CLUH: variants seen among roughly 807,000 people sequenced by gnomAD.
CLUH encodes the protein CLUH binding protein of NUMT mRNA.
Under a neutral mutation model 139.3 loss-of-function variants are expected in CLUH, and 77 were observed. The ratio of observed to expected loss-of-function variants is 0.55; its 90% CI spans 0.46 to 0.67. The LOEUF is 0.67. Among genes scored for constraint, CLUH ranks in the 30% least tolerant of loss-of-function variants. The pLI is 0.00. For synonymous variants in CLUH, 999 were observed against 801.6 expected (o/e 1.25, Z -4.16); for missense variants, 1,876 against 1,875.8 (o/e 1.00, Z 0.00).
intron 3 of CLUH, 47 bp from the exon 4 acceptor site, chr17:2,702,104 C>G (rs780426103): frequency 4.5e-5 from 71 of 1,594,278 alleles, no homozygotes; most frequent in Non-Finnish European, 6.0e-5. Context: ...GCCCTGCACC[C>G]TGAACAACCT....
rs78793700 is a variant in CLUH at position 2,694,557 on chromosome 17, C to T, written c.2860G>A (p.Val954Met). ...YFDFDLECET[V>M]DQAVETYGLQ... is the part of the protein sequence containing the mutation. ...CCGTAGGTCTCCACAGCCTGGTCCA[C>T]GGTCTCACTGAGGAGGGAGCAGGGG... Residue 954 changes from valine to methionine, a missense_variant, in exon 17 of 26, where the codon GTG (valine) becomes ATG (methionine). Val to Met is a conservative substitution (Grantham distance 21). Around this residue, in one of 3 missense-constraint regions of CLUH, gnomAD observed 1,454 missense variants for 1,384.4 expected, o/e 1.05. Transcript: ENST00000651024. 738 of 1,576,068 alleles carry T rather than the reference C, an allele frequency of 4.7e-4. 7 individuals carry two copies. In the East Asian group the frequency reaches 0.011, roughly 24 times the overall value.
At chr17:2,695,789 G>T (rs925513690) in intron 13 of CLUH, 2 of 588,754 alleles carry the variant, frequency 3.4e-6, no homozygotes, top group African/African-American at 1.9e-5. Context: ...CCCCAGCCCC[G>T]TGTCCTGAGG....
rs1233666925 is a variant in CLUH at position 2,698,493 on chromosome 17, T to C, written c.1364A>G (p.Gln455Arg). 2 of 1,613,174 alleles carry C rather than the reference T, an allele frequency of 1.2e-6. No homozygotes were observed. Among genetic ancestry groups the C allele is most frequent in the Admixed American group, 1.7e-5 (1 of 60,014 alleles). Residue 455 changes from glutamine (Q) to arginine (R), a missense_variant, in exon 10 of 26, where the codon CAG (glutamine) becomes CGG (arginine). Around this residue, in one of 3 missense-constraint regions of CLUH, gnomAD observed 1,454 missense variants for 1,384.4 expected, o/e 1.05. Coordinates refer to ENST00000651024, the MANE Select transcript of CLUH (RefSeq NM_001366661.1). ...AINPSEETKMQMFIWNNIFFS... is the reference protein window; with the variant it reads ...AINPSEETKMRMFIWNNIFFS... ...GAAGATGTTGTTCCAGATGAACATC[T>C]GCATCTTGGTCTCCTCGCTGGGGTT...
chr17:2,698,444 T>C lies in CLUH; in HGVS notation c.1413A>G (p.Arg471=). The C allele has an allele frequency of 6.2e-7, 1 of 1,613,328 alleles. No homozygotes were observed. The highest frequency in any genetic ancestry group is 1.7e-5 in the Admixed American group (1 of 60,014). The change falls in exon 10 of 26, where the codon CGA becomes CGG. Residue 471 remains arginine (R), a synonymous_variant. Transcript: ENST00000651024. ...NIFFSLGFDV[R]DHYKDFGGDV... is the part of the protein sequence containing the mutation. Reference sequence around the variant, plus strand: ...CCCCCCCGAAGTCCTTGTAGTGGTCTCGGACGTCGAAGCCCAGGCTGAAGA... The same window carrying C: ...CCCCCCCGAAGTCCTTGTAGTGGTCCCGGACGTCGAAGCCCAGGCTGAAGA...
At chr17:2,694,422 C>CGGGG (rs1567581124) in intron 17 of CLUH, 58 bp downstream of exon 17, 16 of 941,378 alleles carry the variant, frequency 1.7e-5, no homozygotes, top group Middle Eastern at 5.8e-4. Flanking sequence ...GAGCCTGCAG[C>CGGGG]AGGGACGCAG....
chr17:2,691,453 TGG>T (rs2069629444), intron 25 of CLUH, 154 bp downstream of exon 25: 1 of 718,634 alleles, frequency 1.4e-6, no homozygotes, highest in Non-Finnish European at 2.4e-6. Context: ...TCCCAGCTAC[TGG>T]GGAGGCTGAG....
rs933241709 is a variant in CLUH, at chr17:2,701,812, G to T, written c.620-75C>A. ...GTCTCCCTACCTCCTGATGGCCGTG[G>T]TCCGGGTGCCTCAGGCCCAGGCCCC... On this transcript the variant is annotated intron_variant, in intron 4 of 25. Transcript: ENST00000651024. 6 of 1,570,632 alleles carry T rather than the reference G, an allele frequency of 3.8e-6. No individual in the cohort carries two copies. The African/African-American group carries it at 6.7e-5, about 18-fold the overall frequency.
Position 2,707,088 on chromosome 17 carries a change from C to T in CLUH, c.101-2524G>A, listed in dbSNP as rs74477163. ...TTACCCTAATCCTTCCTCCTAGGAA[C>T]CCCGAAGGTCTCCCCACCCCTGGAT... is the stretch of plus-strand genomic sequence containing the variant. On this transcript the variant is annotated intron_variant, in intron 1 of 25. Transcript: ENST00000651024. The surrounding 1 kb of genome is among the most constrained non-coding windows in gnomAD (Gnocchi z 7.4). The T allele has an allele frequency of 9.2e-3, 7,242 of 786,956 alleles. 421 individuals carry two copies. In the African/African-American group the frequency reaches 0.12, roughly 13 times the overall value. The allele number at this position is 786,956 out of a possible 1,614,324, so 48.7% of individuals were successfully genotyped here.
In CLUH at chr17:2,694,042, G is replaced by A. The variant is rs1310194022; in HGVS notation, c.3092-3C>T. On this transcript the variant is annotated splice_region_variant and splice_polypyrimidine_tract_variant and intron_variant, in intron 18 of 25. Transcript: ENST00000651024. ...CTCACAGCCCTCCTTCAGGAAGCCT[G>A]CAGGGCACCCCCAGGGGTGGCAAGG... is the stretch of plus-strand genomic sequence containing the variant. 2 of 1,613,926 alleles carry A rather than the reference G, an allele frequency of 1.2e-6. No individual in the cohort carries two copies. The highest frequency in any genetic ancestry group is 1.1e-5 in the South Asian group (1 of 91,082).
chr17:2,696,280 A>G (rs1205869736), intron 12 of CLUH, 21 bp from the exon 13 acceptor site: 2 of 1,553,504 alleles, frequency 1.3e-6, no homozygotes, highest in Non-Finnish European at 1.7e-6. Flanking sequence ...GAGAGCAGAG[A>G]GGCTGAGCCA....
rs2069575379 is a variant in CLUH, at chr17:2,690,434, C to A, written c.*160G>T. 9.3e-6 allele frequency: 5 copies of A among 537,712 alleles called. No homozygotes were observed. Among genetic ancestry groups the A allele is most frequent in the Non-Finnish European group, 9.0e-6 (3 of 334,260 alleles). The allele number at this position is 537,712 out of a possible 1,614,324, so 33.3% of individuals were successfully genotyped here. ...CAGCGCAAAAACACCTTCTGCGGGG[C>A]AGGCAGGCCAGGCTCCCAGGAGGAC... On this transcript the variant is annotated 3_prime_UTR_variant, in exon 26 of 26. Transcript: ENST00000651024.
At chr17:2,700,532 C>T (rs1282239683) in intron 8 of CLUH, 58 bp from the exon 9 acceptor site, 56 of 1,568,182 alleles carry the variant, frequency 3.6e-5, no homozygotes, top group East Asian at 4.6e-5. Context: ...GACCTGCTCC[C>T]GGAAGTCGCT....
rs1357211817 is a variant in CLUH, at chr17:2,696,741, G to A, written c.2163C>T (p.Thr721=). The A allele has an allele frequency of 6.2e-6, 10 of 1,612,164 alleles. No individual in the cohort carries two copies. The highest frequency in any genetic ancestry group is 1.7e-5 in the Admixed American group (1 of 60,004). ...GLAKVKELAE[T]IAADDGTADP... ...CACCTGTGCCGTCGTCTGCGGCGATGGTCTCTGCCAGCTCCTTCACCTTGG... is the reference window on the plus strand; with the variant it reads ...CACCTGTGCCGTCGTCTGCGGCGATAGTCTCTGCCAGCTCCTTCACCTTGG... Residue 721 remains threonine, a synonymous_variant, in exon 11 of 26, where the codon ACC becomes ACT. Transcript: ENST00000651024.
chr17:2,694,439 CACAGCGGGGACACAGCGGGGAT>C lies in CLUH; in HGVS notation c.2937+19_2937+40del, dbSNP rs1567581211. The C allele has an allele frequency of 3.1e-4, 24 of 76,896 alleles. No individual in the cohort carries two copies. Among genetic ancestry groups the C allele is most frequent in the Non-Finnish European group, 4.1e-4 (24 of 59,094 alleles). The allele number at this position is 76,896 out of a possible 1,614,324, so 4.8% of individuals were successfully genotyped here. A position where few individuals can be genotyped will look rare whatever the true frequency, so the allele number is the denominator to read the frequency against. On this transcript the variant is annotated intron_variant, in intron 17 of 25. Coordinates refer to ENST00000651024, the MANE Select transcript of CLUH (RefSeq NM_001366661.1). The stretch of plus-strand genomic sequence containing the variant: ...GCCTGCAGCAGGGACGCAGCGGGGA[CACAGCGGGGACACAGCGGGGAT>C]GCTGTGAGCCATGCCCACCTGGATC...
At position 2,707,453 on chromosome 17, in the gene CLUH, G is replaced by C; in HGVS notation, c.101-2889C>G. 3.0e-6 allele frequency: 3 copies of C among 985,426 alleles called. No homozygotes were observed. Among genetic ancestry groups the C allele is most frequent in the Non-Finnish European group, 3.6e-6 (3 of 829,920 alleles). The allele number at this position is 985,426 out of a possible 1,614,324, so 61.0% of individuals were successfully genotyped here. A position where few individuals can be genotyped will look rare whatever the true frequency, so the allele number is the denominator to read the frequency against. On this transcript the variant is annotated intron_variant, in intron 1 of 25. Coordinates refer to ENST00000651024, the MANE Select transcript of CLUH (RefSeq NM_001366661.1). This position sits in a 1 kb window ranked among gnomAD's most constrained non-coding sequence, Gnocchi z 7.4. ...CGGCCAGAAGGACGGCTGTGGGCCA[G>C]GAGAACCCGGTGGCCCCAGGACCCC...
In CLUH at chr17:2,690,314, G is replaced by A; in HGVS notation, c.*280C>T. On this transcript the variant is annotated 3_prime_UTR_variant, in exon 26 of 26. Transcript: ENST00000651024. ...CGCACACGCCGGCCGGACGGCGGGGGCCGAAGCAACACCTGCCCCCCAGCC... is the reference window on the plus strand; with the variant it reads ...CGCACACGCCGGCCGGACGGCGGGGACCGAAGCAACACCTGCCCCCCAGCC... 2 of 390,256 alleles carry A rather than the reference G, an allele frequency of 5.1e-6. No homozygotes were observed. Among genetic ancestry groups the A allele is most frequent in the Non-Finnish European group, 9.1e-6 (2 of 219,992 alleles). The allele number at this position is 390,256 out of a possible 1,614,324, so 24.2% of individuals were successfully genotyped here.
At chr17:2,697,810 T>A in intron 10 of CLUH, 86 bp downstream of exon 10, 1 of 1,302,414 alleles carries the variant, frequency 7.7e-7, no homozygotes, top group Non-Finnish European at 1.0e-6. Context: ...CGCTTCTCCC[T>A]TCAAGGACCC....
At chr17:2,708,873 G>T (rs900172563) in intron 1 of CLUH, among the ~76,000 whole-genome samples, 4 of 10,214 alleles carry the variant, frequency 3.9e-4, no homozygotes, top group African/African-American at 6.3e-4. Context: ...GGGGGGGGGA[G>T]CAGAACTATC....
At position 2,696,495 on chromosome 17, in the gene CLUH, C is replaced by T. The variant is rs1403724999; in HGVS notation, c.2229G>A (p.Ala743=). The part of the protein sequence containing the change: ...SREVIRNACK[A]VGSISSTAFD... ...AGGCGGTGCTGCTGATGGAGCCGAC[C>T]GCCTTGCACGCGTTGCGGATCACCT... Residue 743 remains alanine (A), a synonymous_variant, in exon 12 of 26, where the codon GCG becomes GCA. Transcript: ENST00000651024. The T allele has an allele frequency of 8.8e-6, 14 of 1,590,248 alleles. No homozygotes were observed. The highest frequency in any genetic ancestry group is 1.6e-4 in the Middle Eastern group (1 of 6,068).
Sources: allele counts gnomAD v4.1 joint callset (sites outside exome capture counted in the v4.1 genomes callset), GRCh38; gene constraint gnomAD v4.1.1; regional missense constraint gnomAD v4.1.1; non-coding constraint Gnocchi (gnomAD v3.1); transcripts MANE v1.5; gene names NCBI Gene and HGNC (gene_info 2026-07-23, HGNC 2026-07-21).